Variants in GPATCH2 observed in about 807,000 individuals in gnomAD.
The protein encoded by GPATCH2 is G-patch domain containing 2, also known as G patch domain-containing protein 2.
GPATCH2 carries 51 observed loss-of-function variants against 58.0 expected under a neutral mutation model. That is an observed-to-expected ratio of 0.88 (90% CI 0.70 to 1.11). GPATCH2 has a LOEUF of 1.11. Ranked by LOEUF, GPATCH2 falls within the 50% of genes most tolerant of loss-of-function variation. The probability of loss-of-function intolerance (pLI) is 0.00; values close to 1 mark genes in which losing one functional copy is unlikely to be tolerated. For missense variants in GPATCH2, 625 were observed against 652.2 expected, an observed-to-expected ratio of 0.96 and a Z score of 0.45; for synonymous variants, 222 against 218.5, an observed-to-expected ratio of 1.02 and a Z score of -0.14.
intron 5 of GPATCH2, among the ~76,000 whole-genome samples, chr1:217,565,659 T>C (rs747995711): frequency 1.4e-4 from 22 of 152,228 alleles, no homozygotes; most frequent in Non-Finnish European, 2.5e-4. Context: ...TTTGTAACTA[T>C]TAAGACAATT....
chr1:217,563,339 A>C (rs1237059033), intron 5 of GPATCH2, among the ~76,000 whole-genome samples: 2 of 152,292 alleles, frequency 1.3e-5, no homozygotes, highest in East Asian at 3.9e-4. Context: ...ACTTCAAATA[A>C]ATAAAAAATC....
chr1:217,587,069 T>C (rs879800163), intron 5 of GPATCH2, among the ~76,000 whole-genome samples: 4 of 152,144 alleles, frequency 2.6e-5, no homozygotes, highest in African/African-American at 7.2e-5. Context: ...GGGGAAGTTC[T>C]GCAACTTTGG....
chr1:217,545,425 T>C (rs1399008310), intron 5 of GPATCH2, among the ~76,000 whole-genome samples: 1 of 152,190 alleles, frequency 6.6e-6, no homozygotes, highest in African/African-American at 2.4e-5. Context: ...ATAGAGGGTA[T>C]TTGGGCAGCA....
intron 6 of GPATCH2, among the ~76,000 whole-genome samples, chr1:217,508,851 C>G (rs1662695849): frequency 6.6e-6 from 1 of 151,878 alleles, no homozygotes; most frequent in South Asian, 2.1e-4. Flanking sequence ...TTTCATTTCT[C>G]TGTGCTACAT....
intron 7 of GPATCH2, among the ~76,000 whole-genome samples, chr1:217,497,504 T>G (rs1008313902): frequency 1.3e-5 from 2 of 152,146 alleles, no homozygotes; most frequent in Non-Finnish European, 2.9e-5. Flanking sequence ...TTCCTTTTAT[T>G]AGTAAAAGGA....
chr1:217,630,864 G>T, intron 1 of GPATCH2, 52 bp downstream of exon 1: 1 of 1,364,052 alleles, frequency 7.3e-7, no homozygotes, highest in Non-Finnish European at 1.0e-6. Context: ...GAGCGGCCTC[G>T]GGCAATCACA....
At chr1:217,561,467 G>A (rs990815244) in intron 5 of GPATCH2, among the ~76,000 whole-genome samples, 1 of 152,284 alleles carries the variant, frequency 6.6e-6, no homozygotes, top group East Asian at 1.9e-4. Context: ...GTTTGTCATC[G>A]AGGTGTGTGT....
At chr1:217,469,677 ATTATAC>A (rs1041436279) in intron 8 of GPATCH2, among the ~76,000 whole-genome samples, 4 of 152,118 alleles carry the variant, frequency 2.6e-5, no homozygotes, top group African/African-American at 7.2e-5. Flanking sequence ...AAACATTCTA[ATTATAC>A]TTATATATGC....
chr1:217,500,133 T>C (rs1326314358), intron 6 of GPATCH2, among the ~76,000 whole-genome samples: 1 of 152,178 alleles, frequency 6.6e-6, no homozygotes, highest in African/African-American at 2.4e-5. Context: ...CTAAAGTTGA[T>C]ATTTGTCTTG....
rs1422498204 is a variant in GPATCH2 at position 217,497,088 on chromosome 1, T to TTA, written c.1206+1266_1206+1267dup. 2.0e-5 allele frequency among the ~76,000 whole-genome samples: 3 copies of TTA among 152,176 alleles called. No individual in the cohort carries two copies. The East Asian group carries it at 5.8e-4, about 29-fold the overall frequency. On this transcript the variant is annotated intron_variant, in intron 7 of 9. Transcript: ENST00000366935. Reference sequence around the variant, plus strand: ...GTATACCATAGTCTAAAACCTAGATTTATAACATTGCTTTAGTACTTCTCA... The same window carrying TTA: ...GTATACCATAGTCTAAAACCTAGATTTATATAACATTGCTTTAGTACTTCTCA...
intron 2 of GPATCH2, among the ~76,000 whole-genome samples, chr1:217,618,221 C>CTTTT (rs34863823): frequency 2.4e-5 from 3 of 124,762 alleles, no homozygotes; most frequent in South Asian, 2.6e-4. Flanking sequence ...CCTCTGGAAA[C>CTTTT]TTTTTTTTTT....
intron 5 of GPATCH2, among the ~76,000 whole-genome samples, chr1:217,592,235 G>C (rs1667626956): frequency 6.6e-6 from 1 of 151,826 alleles, no homozygotes; most frequent in Non-Finnish European, 1.5e-5. Context: ...ACATCAATTT[G>C]CCAATAAGTT....
At chr1:217,584,078 A>C (rs1667203853) in intron 5 of GPATCH2, among the ~76,000 whole-genome samples, 1 of 152,002 alleles carries the variant, frequency 6.6e-6, no homozygotes, top group Admixed American at 6.6e-5. Flanking sequence ...GGTGAGAAAG[A>C]ATCTGGTAAA....
chr1:217,499,253 C>A (rs1662174990), intron 6 of GPATCH2, among the ~76,000 whole-genome samples: 1 of 152,158 alleles, frequency 6.6e-6, no homozygotes, highest in Admixed American at 6.6e-5. Context: ...TTTCAACAAC[C>A]ATAATACCAA....
intron 1 of GPATCH2, among the ~76,000 whole-genome samples, chr1:217,627,088 T>G (rs1007149922): frequency 9.2e-5 from 14 of 152,044 alleles, no homozygotes; most frequent in Admixed American, 2.0e-4. Flanking sequence ...TATAGGACAT[T>G]GGACAAATTA....
At chr1:217,539,502 C>T (rs1240152416) in intron 5 of GPATCH2, among the ~76,000 whole-genome samples, 1 of 152,166 alleles carries the variant, frequency 6.6e-6, no homozygotes, top group Non-Finnish European at 1.5e-5. Flanking sequence ...TTCAAGCCCA[C>T]GCTCAATAAA....
intron 9 of GPATCH2, among the ~76,000 whole-genome samples, chr1:217,435,419 C>T (rs1267614825): frequency 6.6e-6 from 1 of 152,192 alleles, no homozygotes; most frequent in Admixed American, 6.5e-5. Flanking sequence ...CTCTTAGCCA[C>T]TAATCTATCC....
At chr1:217,582,815 G>A (rs549489366) in intron 5 of GPATCH2, among the ~76,000 whole-genome samples, 1 of 152,246 alleles carries the variant, frequency 6.6e-6, no homozygotes, top group South Asian at 2.1e-4. Flanking sequence ...ATATATCAGT[G>A]CCTTATGCCT....
At chr1:217,540,819 T>G (rs1041555301) in intron 5 of GPATCH2, among the ~76,000 whole-genome samples, 1 of 152,216 alleles carries the variant, frequency 6.6e-6, no homozygotes, top group African/African-American at 2.4e-5. Flanking sequence ...AATAACAGCT[T>G]CCAAGGTGGC....
Sources: gnomAD v4.1 joint callset for allele counts (sites outside exome capture counted in the v4.1 genomes callset) on GRCh38, gnomAD v4.1.1 for gene constraint, MANE v1.5 for transcripts, NCBI Gene and HGNC (gene_info 2026-07-23, HGNC 2026-07-21) for gene names.